The following FGF14 variants were observed in gnomAD, a reference collection of about 807,000 sequenced individuals.
The protein encoded by FGF14 is fibroblast growth factor 14, also known as fibroblast growth factor homologous factor 4.
In FGF14, 5 loss-of-function variants were observed where a neutral mutation model predicts 25.5. The observed-to-expected ratio is 0.20, with a 90% CI of 0.10 to 0.41. The LOEUF is 0.41. FGF14 is among the 10% of genes least tolerant of loss of function. FGF14 has a pLI of 1.00. For missense variants in FGF14, 222 were observed against 320.1 expected (o/e 0.69, Z 2.34); for synonymous variants, 138 against 118.3 (o/e 1.17, Z -1.08).
intron 1 of FGF14, among the ~76,000 whole-genome samples, chr13:101,989,209 CTGTT>C (rs1196462602): frequency 6.6e-6 from 1 of 152,020 alleles, no homozygotes; most frequent in African/African-American, 2.4e-5. Context: ...ACTGTCCTCT[CTGTT>C]TGGGATATAT....
chr13:101,987,853 C>A (rs1319524340), intron 1 of FGF14, among the ~76,000 whole-genome samples: 1 of 152,040 alleles, frequency 6.6e-6, no homozygotes, highest in Non-Finnish European at 1.5e-5. Flanking sequence ...TCTCCCTCCA[C>A]CACAGCATGA....
rs140017035 is a variant in FGF14, at chr13:101,797,138, AAC to A, written c.409-70330_409-70329del. Among the ~76,000 whole-genome samples the A allele has an allele frequency of 6.8e-3, 1,029 of 152,262 alleles. 11 individuals carry two copies. The highest frequency in any genetic ancestry group is 0.023 in the African/African-American group (945 of 41,564). ...TACAACATGAGACAGTGTGTGTGCA[AAC>A]ACAGTTGTTGTTTCTTTGTAAACTT... On this transcript the variant is annotated intron_variant, in intron 3 of 4. Coordinates refer to ENST00000376143, the MANE Select transcript of FGF14 (RefSeq NM_004115.4).
At chr13:102,271,081 ATAT>A (rs1248776638) in intron 1 of FGF14, among the ~76,000 whole-genome samples, 6 of 152,152 alleles carry the variant, frequency 3.9e-5, no homozygotes, top group Non-Finnish European at 8.8e-5. Flanking sequence ...CTCTACAGAG[ATAT>A]TATTAGTTTC....
At chr13:102,006,086 C>A (rs2039768182) in intron 1 of FGF14, among the ~76,000 whole-genome samples, 1 of 152,120 alleles carries the variant, frequency 6.6e-6, no homozygotes, top group Non-Finnish European at 1.5e-5. Flanking sequence ...GGTACAAGTT[C>A]TTAGTGCTAC....
At chr13:102,330,349 C>A (rs1304279289) in intron 1 of FGF14, among the ~76,000 whole-genome samples, 6 of 152,182 alleles carry the variant, frequency 3.9e-5, no homozygotes, top group Non-Finnish European at 7.4e-5. Context: ...TATCTATGAT[C>A]AAGTCCTACA....
chr13:101,800,471 G>A (rs1267631780), intron 3 of FGF14, among the ~76,000 whole-genome samples: 1 of 152,090 alleles, frequency 6.6e-6, no homozygotes, highest in Non-Finnish European at 1.5e-5. Flanking sequence ...CAAACCAAAA[G>A]GGACTTATCC....
At chr13:101,950,276 G>T (rs540588423) in intron 1 of FGF14, among the ~76,000 whole-genome samples, 7 of 152,130 alleles carry the variant, frequency 4.6e-5, no homozygotes, top group Non-Finnish European at 7.4e-5. Context: ...CTAGTAGTTG[G>T]CTACTCTGTT....
rs144682808 is a variant in FGF14, at chr13:102,211,922, T to C, written c.208+189549A>G. Among the ~76,000 whole-genome samples, 542 of 152,334 alleles carry C rather than the reference T, an allele frequency of 3.6e-3. 2 individuals are homozygous for C. Among genetic ancestry groups the C allele is most frequent in the African/African-American group, 0.012 (512 of 41,572 alleles). Reference sequence around the variant, plus strand: ...CAATTTGACATGCATATAATTTTGCTCAATTTTTCTCGTATCAATCCTAAA... The same window carrying C: ...CAATTTGACATGCATATAATTTTGCCCAATTTTTCTCGTATCAATCCTAAA... On this transcript the variant is annotated intron_variant, in intron 1 of 4. Coordinates refer to the FGF14 transcript ENST00000376131.
rs533083459 is a variant in FGF14, at chr13:101,960,758, G to C, written c.209-85462C>G. On this transcript the variant is annotated intron_variant, in intron 1 of 4. Transcript: ENST00000376131. ...GTATTTCTGGTTCTAGGTCTTTGGG[G>C]AATCACCACACTGTCTTCTACAATG... 1.1e-4 allele frequency among the ~76,000 whole-genome samples: 16 copies of C among 152,266 alleles called. No homozygotes were observed. The East Asian group carries it at 2.3e-3, about 22-fold the overall frequency.
At chr13:101,974,888 T>C (rs1363866310) in intron 1 of FGF14, among the ~76,000 whole-genome samples, 1 of 152,172 alleles carries the variant, frequency 6.6e-6, no homozygotes, top group East Asian at 1.9e-4. Flanking sequence ...AAGAGATTTC[T>C]CACTGAGTGT....
intron 3 of FGF14, among the ~76,000 whole-genome samples, chr13:101,754,453 G>T (rs2037509661): frequency 6.6e-6 from 1 of 152,170 alleles, no homozygotes; most frequent in African/African-American, 2.4e-5. Flanking sequence ...AAATGGCCAG[G>T]TGCAGTGGCT....
intron 1 of FGF14, among the ~76,000 whole-genome samples, chr13:102,274,458 A>G (rs2141176103): frequency 6.6e-6 from 1 of 152,122 alleles, no homozygotes; most frequent in South Asian, 2.1e-4. Flanking sequence ...ACCCACACAA[A>G]CCCATATTTT....
Position 102,197,233 on chromosome 13 carries a change from C to T in FGF14, c.208+204238G>A, listed in dbSNP as rs553613846. The stretch of plus-strand genomic sequence containing the variant: ...TCTTCACATTCTCCTTTTGGCCCTT[C>T]TAAAGTGGATATCAAGTCAAAGTAT... On this transcript the variant is annotated intron_variant, in intron 1 of 4. Transcript: ENST00000376131. Among the ~76,000 whole-genome samples the T allele has an allele frequency of 2.0e-5, 3 of 152,170 alleles. No homozygotes were observed. The South Asian group carries it at 6.2e-4, about 32-fold the overall frequency.
intron 1 of FGF14, among the ~76,000 whole-genome samples, chr13:102,151,847 T>G (rs1401234930): frequency 6.6e-6 from 1 of 152,160 alleles, no homozygotes; most frequent in Non-Finnish European, 1.5e-5. Context: ...TGACTCACAT[T>G]AGTAGATAAT....
intron 1 of FGF14, among the ~76,000 whole-genome samples, chr13:102,193,406 T>C (rs371944874): frequency 2.0e-5 from 3 of 152,168 alleles, no homozygotes; most frequent in East Asian, 3.8e-4. Flanking sequence ...AATAAGGACT[T>C]TGAAAAGCTC....
chr13:101,875,382 A>G lies in FGF14; in HGVS notation c.194-86T>C, dbSNP rs1566359055. Reference sequence around the variant, plus strand: ...TTTCTGTTTCTCTTTCTTTTTTCAGAAGAGGACATTTTATACAAGTAGCAT... The same window carrying G: ...TTTCTGTTTCTCTTTCTTTTTTCAGGAGAGGACATTTTATACAAGTAGCAT... On this transcript the variant is annotated intron_variant, in intron 1 of 4. Transcript: ENST00000376143. 3.2e-6 allele frequency: 3 copies of G among 933,898 alleles called. No homozygotes were observed. The East Asian group carries it at 7.4e-5, about 23-fold the overall frequency. The allele number at this position is 933,898 out of a possible 1,614,324, so 57.9% of individuals were successfully genotyped here.
chr13:102,270,685 A>G (rs2053204090), intron 1 of FGF14, among the ~76,000 whole-genome samples: 1 of 152,136 alleles, frequency 6.6e-6, no homozygotes, highest in Non-Finnish European at 1.5e-5. Flanking sequence ...TGTACATTGC[A>G]TTGTATTTTA....
chr13:102,224,587 A>G (rs1475399899), intron 1 of FGF14, among the ~76,000 whole-genome samples: 2 of 152,190 alleles, frequency 1.3e-5, no homozygotes, highest in Non-Finnish European at 2.9e-5. Context: ...AATAATTTTA[A>G]AAAGAACCAA....
chr13:101,784,701 G>A (rs2039702239), intron 3 of FGF14, among the ~76,000 whole-genome samples: 1 of 151,930 alleles, frequency 6.6e-6, no homozygotes. Flanking sequence ...TCTTTCTCTT[G>A]TCCCACTTGT....
Sources: allele counts gnomAD v4.1 joint callset (sites outside exome capture counted in the v4.1 genomes callset), GRCh38; gene constraint gnomAD v4.1.1; transcripts MANE v1.5; gene names NCBI Gene and HGNC (gene_info 2026-07-23, HGNC 2026-07-21).